Variants in NCOA1 observed in about 807,000 individuals in gnomAD.
NCOA1 encodes the protein Hin-2 protein.
Under a neutral mutation model 150.9 loss-of-function variants are expected in NCOA1, and 35 were observed. The ratio of observed to expected loss-of-function variants is 0.23; its 90% confidence interval spans 0.18 to 0.31. NCOA1 has a LOEUF of 0.31. NCOA1 is among the 10% of genes least tolerant of loss of function. The pLI, the probability that NCOA1 is intolerant of heterozygous loss-of-function variation, is 1.00. For missense variants in NCOA1, 1,491 were observed against 1,749.3 expected (o/e 0.85, Z 2.63); for synonymous variants, 590 against 630.0 (o/e 0.94, Z 0.95).
chr2:24,610,657 T>G (rs529940868), intron 3 of NCOA1, among the ~76,000 whole-genome samples: 6 of 152,002 alleles, frequency 3.9e-5, no homozygotes, highest in Admixed American at 6.5e-5. Context: ...ATTAAACATA[T>G]TTAATATTCT....
At chr2:24,623,837 G>T (rs1015491555) in intron 3 of NCOA1, among the ~76,000 whole-genome samples, 2 of 152,066 alleles carry the variant, frequency 1.3e-5, no homozygotes, top group African/African-American at 4.8e-5. Flanking sequence ...TTGGACTGGG[G>T]CTCCACCCTT....
chr2:24,677,240 A>G (rs1445186775), intron 7 of NCOA1, among the ~76,000 whole-genome samples: 2 of 152,126 alleles, frequency 1.3e-5, no homozygotes, highest in Non-Finnish European at 2.9e-5. Flanking sequence ...GCTACTCAGG[A>G]GGCTGACACA....
At chr2:24,651,884 C>G (rs915630257) in intron 4 of NCOA1, among the ~76,000 whole-genome samples, 7 of 151,942 alleles carry the variant, frequency 4.6e-5, no homozygotes, top group African/African-American at 1.7e-4. Flanking sequence ...GGAAATAACT[C>G]TTTATTTGGT....
chr2:24,611,940 G>GT (rs1668648952), intron 3 of NCOA1, among the ~76,000 whole-genome samples: 1 of 152,050 alleles, frequency 6.6e-6, no homozygotes, highest in African/African-American at 2.4e-5. Flanking sequence ...GATATGTGAG[G>GT]TTTTGATCCT....
Position 24,707,895 on chromosome 2 carries a change from A to G in NCOA1, c.2418+7A>G. 1.3e-6 allele frequency: 2 copies of G among 1,575,612 alleles called. No individual in the cohort carries two copies. Among genetic ancestry groups the G allele is most frequent in the African/African-American group, 2.8e-5 (2 of 72,666 alleles). The stretch of plus-strand genomic sequence containing the variant: ...ACTGGAGGCCCAGAGCCAGGTGGGT[A>G]ACTGCTTGCTTCACAGAATGGTCAT... On this transcript the variant is annotated splice_region_variant and intron_variant, in intron 13 of 22. Coordinates refer to ENST00000348332, the MANE Select transcript of NCOA1 (RefSeq NM_003743.5).
intron 3 of NCOA1, among the ~76,000 whole-genome samples, chr2:24,640,629 A>G (rs1670171648): frequency 6.6e-6 from 1 of 152,124 alleles, no homozygotes; most frequent in Non-Finnish European, 1.5e-5. Context: ...GCAAGACCCC[A>G]TCTCTAAAAC....
chr2:24,673,551 T>A, intron 7 of NCOA1, 88 bp downstream of exon 7: 1 of 720,868 alleles, frequency 1.4e-6, no homozygotes, highest in Non-Finnish European at 2.3e-6. Context: ...TATATCCAGT[T>A]AATAAATTAT....
Position 24,691,646 on chromosome 2 carries a change from A to C in NCOA1, c.698A>C (p.Gln233Pro). The C allele has an allele frequency of 6.2e-7, 1 of 1,613,918 alleles. No individual in the cohort carries two copies. The highest frequency in any genetic ancestry group is 8.5e-7 in the Non-Finnish European group (1 of 1,179,886). Residue 233 changes from glutamine to proline, a missense_variant, in exon 9 of 23, where the codon CAA becomes CCA. Gln to Pro is a moderately conservative substitution (Grantham distance 76). Around this residue, in one of 8 missense-constraint regions of NCOA1, gnomAD observed 99 missense variants for 122.8 expected, o/e 0.81. Transcript: ENST00000348332. ...CFTVSQPKSIQEDGEDFQSCL... is the reference protein window; with the variant it reads ...CFTVSQPKSIPEDGEDFQSCL... ...ACTGTGTCACAGCCAAAATCAATTC[A>C]AGAGGATGGAGAAGGTAAAGCCAAA... is the stretch of plus-strand genomic sequence containing the variant.
intron 4 of NCOA1, among the ~76,000 whole-genome samples, chr2:24,650,985 C>G (rs747253197): frequency 1.2e-4 from 19 of 152,072 alleles, no homozygotes; most frequent in Admixed American, 6.5e-4. Flanking sequence ...GATTTTGGAT[C>G]ATTTTAGGTT....
At chr2:24,638,074 A>C (rs1670018780) in intron 3 of NCOA1, among the ~76,000 whole-genome samples, 1 of 151,776 alleles carries the variant, frequency 6.6e-6, no homozygotes, top group Non-Finnish European at 1.5e-5. Flanking sequence ...CTATCTAGCT[A>C]TAATTTTGTA....
chr2:24,570,252 T>A (rs985199422), intron 2 of NCOA1, among the ~76,000 whole-genome samples: 3 of 152,062 alleles, frequency 2.0e-5, no homozygotes, highest in Non-Finnish European at 4.4e-5. Context: ...TGAAAATTGG[T>A]TTATGGTTCA....
chr2:24,557,388 T>C (rs766183972), intron 1 of NCOA1, among the ~76,000 whole-genome samples: 13 of 152,162 alleles, frequency 8.5e-5, no homozygotes, highest in Admixed American at 7.9e-4. Flanking sequence ...TGCAGTCTTA[T>C]TAATTTTTGC....
At chr2:24,657,212 T>C (rs1670988740) in intron 4 of NCOA1, among the ~76,000 whole-genome samples, 1 of 139,106 alleles carries the variant, frequency 7.2e-6, no homozygotes, top group Non-Finnish European at 1.7e-5. Context: ...TTGAAAATGA[T>C]ACTTAAGCAG....
chr2:24,604,037 A>G (rs6717838), intron 3 of NCOA1, among the ~76,000 whole-genome samples: 6,506 of 152,302 alleles, frequency 0.043, 215 homozygotes, highest in African/African-American at 0.094. Flanking sequence ...AAAACACATT[A>G]ATCTCCTTGT....
chr2:24,538,447 C>T (rs1665256396), intron 1 of NCOA1, among the ~76,000 whole-genome samples: 1 of 152,162 alleles, frequency 6.6e-6, no homozygotes, highest in Non-Finnish European at 1.5e-5. Context: ...TAACGGGAAT[C>T]AGAAGATCTG....
chr2:24,618,927 A>G (rs1037978741), intron 3 of NCOA1, among the ~76,000 whole-genome samples: 2 of 152,204 alleles, frequency 1.3e-5, no homozygotes, highest in African/African-American at 2.4e-5. Context: ...AGTTTGTAAT[A>G]TGTTCCAGAT....
At chr2:24,660,962 G>T (rs1671158905) in intron 5 of NCOA1, among the ~76,000 whole-genome samples, 1 of 152,038 alleles carries the variant, frequency 6.6e-6, no homozygotes, top group African/African-American at 2.4e-5. Flanking sequence ...TCAGAAGGCT[G>T]AGGCAGGAGA....
In NCOA1 at chr2:24,691,626, G is replaced by A; in HGVS notation, c.678G>A (p.Val226=). The A allele has an allele frequency of 6.2e-7, 1 of 1,614,010 alleles. No homozygotes were observed. Among genetic ancestry groups the A allele is most frequent in the Non-Finnish European group, 8.5e-7 (1 of 1,179,924 alleles). The change falls in exon 9 of 23, where the codon GTG becomes GTA. Residue 226 remains valine, a synonymous_variant. Coordinates refer to ENST00000348332, the MANE Select transcript of NCOA1 (RefSeq NM_003743.5). ...QRYEVMQCFT[V]SQPKSIQEDG... ...ATGAAGTAATGCAGTGTTTCACTGT[G>A]TCACAGCCAAAATCAATTCAAGAGG...
At chr2:24,744,148 C>T (rs891459204) in intron 19 of NCOA1, among the ~76,000 whole-genome samples, 1 of 152,224 alleles carries the variant, frequency 6.6e-6, no homozygotes. Context: ...GTGGAGCTTC[C>T]TCTTTCCCCG....
Sources: gnomAD v4.1 joint callset for allele counts (sites outside exome capture counted in the v4.1 genomes callset) on GRCh38, gnomAD v4.1.1 for gene constraint, gnomAD v4.1.1 regional missense constraint, MANE v1.5 for transcripts, NCBI Gene and HGNC (gene_info 2026-07-23, HGNC 2026-07-21) for gene names.